The following NWD2 variants were observed in gnomAD, a reference collection of about 807,000 sequenced individuals.
NWD2 encodes the protein NACHT and WD repeat domain containing 2.
A neutral mutation model predicts 132.7 loss-of-function variants in NWD2; 37 were observed. The ratio of observed to expected loss-of-function variants is 0.28; its 90% confidence interval spans 0.21 to 0.37. The LOEUF (loss-of-function observed/expected upper bound fraction) is 0.37, where lower values mean the gene tolerates loss of function less well. Ranked by LOEUF, NWD2 falls within the 10% of genes least tolerant of loss-of-function variation. The pLI is 1.00. For missense variants in NWD2, 1,592 were observed against 2,122.4 expected (o/e 0.75, Z 4.91); for synonymous variants, 705 against 803.0 (o/e 0.88, Z 2.06).
chr4:37,398,158 G>T (rs932724520), intron 3 of NWD2, among the ~76,000 whole-genome samples: 5 of 152,142 alleles, frequency 3.3e-5, no homozygotes, highest in African/African-American at 1.2e-4. Context: ...TTGGAGGCTG[G>T]TACTTCAGTT....
In NWD2 at chr4:37,439,592, C is replaced by G. The variant is rs1331175109; in HGVS notation, c.1296+202C>G. Among the ~76,000 whole-genome samples the G allele has an allele frequency of 6.6e-6, 1 of 152,126 alleles. No homozygotes were observed. The highest frequency in any genetic ancestry group is 2.4e-5 in the African/African-American group (1 of 41,416). ...AAACTCATGGGGTACAACTGGAAAG[C>G]AAGTTTATTTTTTTCTTTCACTGTT... On this transcript the variant is annotated intron_variant, in intron 6 of 6. Coordinates refer to ENST00000309447, the MANE Select transcript of NWD2 (RefSeq NM_001144990.2). This position sits in a 1 kb window ranked among gnomAD's most constrained non-coding sequence, Gnocchi z 4.5.
At chr4:37,322,847 A>G (rs1178047969) in intron 1 of NWD2, among the ~76,000 whole-genome samples, 2 of 152,220 alleles carry the variant, frequency 1.3e-5, no homozygotes, top group Non-Finnish European at 2.9e-5. Flanking sequence ...TTATAGAAAG[A>G]AAAGAATCCA....
intron 3 of NWD2, among the ~76,000 whole-genome samples, chr4:37,408,429 G>T (rs922272519): frequency 1.3e-5 from 2 of 152,218 alleles, no homozygotes; most frequent in Admixed American, 1.3e-4. Context: ...AGTTCAAACT[G>T]GGTGGAGCCC....
intron 1 of NWD2, among the ~76,000 whole-genome samples, chr4:37,282,390 A>C (rs1460753511): frequency 1.3e-5 from 2 of 152,184 alleles, no homozygotes; most frequent in Non-Finnish European, 2.9e-5. Flanking sequence ...GAAGTAATTT[A>C]AGTGCTTAGA....
chr4:37,354,423 A>T (rs1719829304), intron 2 of NWD2, among the ~76,000 whole-genome samples: 1 of 152,184 alleles, frequency 6.6e-6, no homozygotes, highest in African/African-American at 2.4e-5. Context: ...GGAATGTTTA[A>T]GTCTGCCGAA....
chr4:37,430,439 C>A, intron 3 of NWD2, 133 bp from the exon 4 acceptor site: 1 of 680,416 alleles, frequency 1.5e-6, no homozygotes, highest in Non-Finnish European at 2.5e-6. Flanking sequence ...CCACTGTGAC[C>A]AAAAGAGAAA....
At chr4:37,311,642 G>C (rs1368231612) in intron 1 of NWD2, among the ~76,000 whole-genome samples, 1 of 148,006 alleles carries the variant, frequency 6.8e-6, no homozygotes, top group East Asian at 2.0e-4. Flanking sequence ...AGTTTAATTA[G>C]ATCCCATTTG....
In NWD2 at chr4:37,392,093, T is replaced by C. The variant is rs140244932; in HGVS notation, c.357+35611T>C. 6.1e-3 allele frequency among the ~76,000 whole-genome samples: 926 copies of C among 152,134 alleles called. 9 individuals are homozygous for C. Among genetic ancestry groups the C allele is most frequent in the African/African-American group, 0.021 (879 of 41,476 alleles). ...TGGAGCACCTGTAATCCCAGCTACT[T>C]GGGAGGCTGAGGTGGGAGAATTGCT... On this transcript the variant is annotated intron_variant, in intron 3 of 6. Transcript: ENST00000309447.
At chr4:37,307,367 C>T (rs1168676171) in intron 1 of NWD2, among the ~76,000 whole-genome samples, 1 of 151,858 alleles carries the variant, frequency 6.6e-6, no homozygotes, top group Non-Finnish European at 1.5e-5. Flanking sequence ...CATTGTTTCT[C>T]CTTGATTTCT....
chr4:37,404,697 G>T (rs988061460), intron 3 of NWD2, among the ~76,000 whole-genome samples: 1 of 152,174 alleles, frequency 6.6e-6, no homozygotes, highest in Non-Finnish European at 1.5e-5. Context: ...TAACTGGCTC[G>T]TGGTTCCACA....
chr4:37,364,374 G>C (rs138146930), intron 3 of NWD2, among the ~76,000 whole-genome samples: 1 of 152,050 alleles, frequency 6.6e-6, no homozygotes. Flanking sequence ...CTGATACCAC[G>C]CATGCGATGA....
chr4:37,293,715 G>C (rs1017400082), intron 1 of NWD2, among the ~76,000 whole-genome samples: 5 of 152,106 alleles, frequency 3.3e-5, no homozygotes, highest in African/African-American at 1.2e-4. Context: ...ATAATGAAAG[G>C]AAGTTATACG....
At chr4:37,256,492 T>G (rs530514728) in intron 1 of NWD2, among the ~76,000 whole-genome samples, 61 of 152,274 alleles carry the variant, frequency 4.0e-4, no homozygotes, top group African/African-American at 1.4e-3. Flanking sequence ...AAAGAGTAGC[T>G]TCAGAAGAGA....
rs1712597256 is a variant in NWD2 at position 37,445,104 on chromosome 4, T to C, written c.3116T>C (p.Val1039Ala). ...TNNTLLIYDN[V>A]NSCLLSEVEI... The stretch of plus-strand genomic sequence containing the variant: ...AACACCTTGTTGATTTATGACAATG[T>C]CAATTCTTGCCTCCTGTCTGAAGTA... Residue 1039 changes from valine (V) to alanine (A), a missense_variant, in exon 7 of 7, where the codon GTC (valine) becomes GCC (alanine). Around this residue, in one of 7 missense-constraint regions of NWD2, gnomAD observed 1,071 missense variants for 1,398.0 expected, o/e 0.77. Transcript: ENST00000309447. The surrounding 1 kb of genome is among the most constrained non-coding windows in gnomAD (Gnocchi z 4.7). 6.4e-7 allele frequency: 1 copy of C among 1,551,930 alleles called. No homozygotes were observed. The highest frequency in any genetic ancestry group is 2.0e-5 in the Admixed American group (1 of 51,006).
chr4:37,336,936 C>T (rs938954844), intron 2 of NWD2, among the ~76,000 whole-genome samples: 1 of 127,728 alleles, frequency 7.8e-6, no homozygotes, highest in African/African-American at 2.9e-5. Flanking sequence ...AAGAGTGAAA[C>T]TCCATCTCAA....
chr4:37,411,635 G>A (rs1189740599), intron 3 of NWD2, among the ~76,000 whole-genome samples: 1 of 152,130 alleles, frequency 6.6e-6, no homozygotes, highest in African/African-American at 2.4e-5. Context: ...CTCATTTTAT[G>A]AGGCCAGCAT....
chr4:37,435,113 G>A (rs1712288699), intron 5 of NWD2, among the ~76,000 whole-genome samples: 1 of 152,142 alleles, frequency 6.6e-6, no homozygotes, highest in African/African-American at 2.4e-5. Flanking sequence ...AGTTGCTCAG[G>A]AAATTACAGA....
chr4:37,253,228 C>A (rs1349655376), intron 1 of NWD2, among the ~76,000 whole-genome samples: 3 of 152,150 alleles, frequency 2.0e-5, no homozygotes, highest in Non-Finnish European at 4.4e-5. Context: ...AAATCAGTTT[C>A]TGTTAAAAAG....
intron 2 of NWD2, among the ~76,000 whole-genome samples, chr4:37,348,109 C>T (rs186167352): frequency 6.6e-6 from 1 of 152,226 alleles, no homozygotes; most frequent in African/African-American, 2.4e-5. Flanking sequence ...GGAGTATGAT[C>T]CCTAGTGGCA....
Sources: gnomAD v4.1 joint callset for allele counts (sites outside exome capture counted in the v4.1 genomes callset) on GRCh38, gnomAD v4.1.1 for gene constraint, gnomAD v4.1.1 regional missense constraint, Gnocchi (gnomAD v3.1) non-coding constraint, MANE v1.5 for transcripts, NCBI Gene and HGNC (gene_info 2026-07-23, HGNC 2026-07-21) for gene names.